NPAT: variants seen among roughly 807,000 people sequenced by gnomAD.
The protein encoded by NPAT is protein NPAT.
A neutral mutation model predicts 130.7 loss-of-function variants in NPAT; 52 were observed. That is an observed-to-expected ratio of 0.40 (90% CI 0.32 to 0.50). NPAT has a LOEUF of 0.50. Ranked by LOEUF, NPAT falls within the 20% of genes least tolerant of loss-of-function variation. The pLI is 0.68. For synonymous variants in NPAT, 580 were observed against 584.8 expected, an observed-to-expected ratio of 0.99 and a Z score of 0.12; for missense variants, 1,687 against 1,662.6, an observed-to-expected ratio of 1.01 and a Z score of -0.26.
At chr11:108,222,237 C>A (rs1363755296) in intron 1 of NPAT, among the ~76,000 whole-genome samples, 2 of 152,124 alleles carry the variant, frequency 1.3e-5, no homozygotes, top group Non-Finnish European at 2.9e-5. Context: ...ACTTTCCTTC[C>A]GAATCCGCCC....
intron 5 of NPAT, among the ~76,000 whole-genome samples, chr11:108,189,551 TAA>T (rs2078142792): frequency 6.6e-6 from 1 of 152,190 alleles, no homozygotes; most frequent in Non-Finnish European, 1.5e-5. Flanking sequence ...CTGCAGTAAT[TAA>T]TATTGATAAC....
Position 108,161,914 on chromosome 11 carries a change from G to T in NPAT, c.3172C>A (p.Pro1058Thr). 1 of 1,611,464 alleles carries T rather than the reference G, an allele frequency of 6.2e-7. No homozygotes were observed. The change falls in exon 17 of 18, where the codon CCA becomes ACA. Residue 1058 changes from proline (P) to threonine (T), a missense_variant. By Grantham distance (38) the Pro-to-Thr change is conservative. Around this residue, in one of 3 missense-constraint regions of NPAT, gnomAD observed 1,379 missense variants for 1,346.6 expected, o/e 1.02. Transcript: ENST00000278612. ...AAACAGAGTACACGTCTGTGGCATG[G>T]TTTAGCAGCTGGAACTATACTCTCT... ...PEESIVPAAK[P>T]CHRRVLCFDS...
In NPAT at chr11:108,161,316, C is replaced by A. The variant is rs754298620; in HGVS notation, c.3770G>T (p.Ser1257Ile). 6.2e-7 allele frequency: 1 copy of A among 1,614,226 alleles called. No individual in the cohort carries two copies. The highest frequency in any genetic ancestry group is 1.7e-5 in the Admixed American group (1 of 60,026). Residue 1257 changes from serine (S) to isoleucine (I), a missense_variant, in exon 17 of 18, where the codon AGT (serine) becomes ATT (isoleucine). By Grantham distance (142) the Ser-to-Ile change is moderately radical. Around this residue, in one of 3 missense-constraint regions of NPAT, gnomAD observed 1,379 missense variants for 1,346.6 expected, o/e 1.02. Coordinates refer to ENST00000278612, the MANE Select transcript of NPAT (RefSeq NM_002519.3). ...TAAATCACTACTATCAGCAAGCCTA[C>A]TTACTGAGCTGTGCCTCTGTATATC... ...LQDIQRHSSV[S>I]RLADSSDLPV...
At chr11:108,163,969 T>G (rs578144794) in intron 15 of NPAT, among the ~76,000 whole-genome samples, 2 of 152,048 alleles carry the variant, frequency 1.3e-5, no homozygotes, top group African/African-American at 4.8e-5. Flanking sequence ...ACAGGAAAAG[T>G]TGAAACATAT....
chr11:108,161,827 T>C lies in NPAT; in HGVS notation c.3259A>G (p.Asn1087Asp), dbSNP rs1254044603. ...AAAGAGACTGCATTCCTTTCTTTGTTTTGGGACACCATCTTATGGTTTGGC... is the reference window on the plus strand; with the variant it reads ...AAAGAGACTGCATTCCTTTCTTTGTCTTGGGACACCATCTTATGGTTTGGC... Reference protein sequence around the residue: ...QGPNHKMVSQNKERNAVSFPN... With the variant: ...QGPNHKMVSQDKERNAVSFPN... Residue 1087 changes from asparagine to aspartate, a missense_variant, in exon 17 of 18, where the codon AAC (asparagine) becomes GAC (aspartate). Physicochemically the swap from Asn to Asp is conservative, Grantham distance 23. This residue lies in a region of NPAT where 1,379 missense variants were observed against 1,346.6 expected (regional missense o/e 1.02). Transcript: ENST00000278612. 2 of 1,614,168 alleles carry C rather than the reference T, an allele frequency of 1.2e-6. No individual in the cohort carries two copies. The highest frequency in any genetic ancestry group is 1.7e-6 in the Non-Finnish European group (2 of 1,180,046).
At chr11:108,197,263 T>G in intron 2 of NPAT, 39 bp downstream of exon 2, 3 of 1,281,056 alleles carry the variant, frequency 2.3e-6, no homozygotes, top group Non-Finnish European at 3.4e-6. Flanking sequence ...TAGTCTCTTG[T>G]GTTGATGAAA....
intron 1 of NPAT, among the ~76,000 whole-genome samples, chr11:108,214,183 T>C (rs1370712529): frequency 6.6e-6 from 1 of 152,022 alleles, no homozygotes; most frequent in Non-Finnish European, 1.5e-5. Flanking sequence ...GGGTGAGCCA[T>C]TACAGCTGGC....
rs547496671 is a variant in NPAT, at chr11:108,173,427, A to G, written c.1557T>C (p.Ala519=). The change falls in exon 13 of 18, where the codon GCT becomes GCC. Residue 519 remains alanine (A), a synonymous_variant. Transcript: ENST00000278612. ...ITSFVSLGCE[A]NNENLILSGK... ...CAGAGAGAATTAAGTTTTCATTGTT[A>G]GCTTCACAACCAAGTGAAACAAATG... 3.1e-6 allele frequency: 5 copies of G among 1,614,182 alleles called. No homozygotes were observed. In the African/African-American group the frequency reaches 4.0e-5, roughly 13 times the overall value.
chr11:108,196,954 A>G (rs927361007), intron 2 of NPAT, among the ~76,000 whole-genome samples: 1 of 152,200 alleles, frequency 6.6e-6, no homozygotes, highest in Non-Finnish European at 1.5e-5. Context: ...AAAAGAGATG[A>G]CAATAATATA....
At position 108,174,714 on chromosome 11, in the gene NPAT, A is replaced by T. The variant is rs1462443989; in HGVS notation, c.1133-863T>A. On this transcript the variant is annotated intron_variant, in intron 12 of 17. Coordinates refer to ENST00000278612, the MANE Select transcript of NPAT (RefSeq NM_002519.3). ...ACTGCAGCCTCTGCCTCCCGGGTTC[A>T]TGTGATTCTCCTGCCTCAGCCTCTT... Among the ~76,000 whole-genome samples, 4 of 149,056 alleles carry T rather than the reference A, an allele frequency of 2.7e-5. No homozygotes were observed. In the East Asian group the frequency reaches 7.9e-4, roughly 30 times the overall value.
intron 1 of NPAT, among the ~76,000 whole-genome samples, chr11:108,204,645 CAT>C (rs2078308979): frequency 6.6e-6 from 1 of 152,254 alleles, no homozygotes; most frequent in Non-Finnish European, 1.5e-5. Context: ...AGCCGCCCCA[CAT>C]GACAGGAAGC....
In NPAT at chr11:108,169,827, G is replaced by A. The variant is rs771180468; in HGVS notation, c.2927C>T (p.Pro976Leu). ...RQVLHMPLTA[P>L]VCNRSIPQFP... ...TTGAGGGATACTTCTATTGCATACA[G>A]GTGCTGTCAAAGGCATATGAAGAAC... The change falls in exon 15 of 18, where the codon CCT becomes CTT. Residue 976 changes from proline to leucine, a missense_variant. By Grantham distance (98) the Pro-to-Leu change is moderately conservative. Transcript: ENST00000278612. The A allele has an allele frequency of 5.0e-6, 8 of 1,613,958 alleles. No individual in the cohort carries two copies. The highest frequency in any genetic ancestry group is 6.8e-6 in the Non-Finnish European group (8 of 1,179,878).
chr11:108,170,141 A>C, intron 13 of NPAT, 98 bp from the exon 14 acceptor site: 1 of 783,146 alleles, frequency 1.3e-6, no homozygotes, highest in Non-Finnish European at 2.2e-6. Flanking sequence ...CTTTGAAATA[A>C]ATTCTATGAA....
At chr11:108,170,234 A>T (rs759853372) in intron 13 of NPAT, 191 bp from the exon 14 acceptor site, 200 of 566,446 alleles carry the variant, frequency 3.5e-4, no homozygotes, top group Non-Finnish European at 5.4e-4. Context: ...TTTTAGGAAA[A>T]ACAGCAAGGC....
intron 16 of NPAT, 38 bp from the exon 17 acceptor site, chr11:108,162,052 A>G (rs1323968497): frequency 6.2e-7 from 1 of 1,611,726 alleles, no homozygotes; most frequent in East Asian, 2.2e-5. Context: ...CTAGCAGCAT[A>G]AAGAAATCCT....
chr11:108,197,205 C>T, intron 2 of NPAT, 97 bp downstream of exon 2: 1 of 910,140 alleles, frequency 1.1e-6, no homozygotes. Flanking sequence ...AAATTTCTGC[C>T]AATTTCAATT....
intron 15 of NPAT, among the ~76,000 whole-genome samples, chr11:108,167,200 C>T (rs1447553634): frequency 1.3e-5 from 2 of 152,122 alleles, no homozygotes; most frequent in Non-Finnish European, 2.9e-5. Flanking sequence ...TCCCTCTCTT[C>T]AAATCTTTAC....
Position 108,192,199 on chromosome 11 carries a change from T to C in NPAT, c.218-9A>G, listed in dbSNP as rs529632. The C allele has an allele frequency of 1.0e-3, 1,570 of 1,575,694 alleles. 25 individuals carry two copies. The African/African-American group carries it at 0.019, about 19-fold the overall frequency. On this transcript the variant is annotated splice_polypyrimidine_tract_variant and intron_variant, in intron 3 of 17. Coordinates refer to ENST00000278612, the MANE Select transcript of NPAT (RefSeq NM_002519.3). Reference sequence around the variant, plus strand: ...GACATTATTTGATGTTTCTAAATCATAGGAGAAAAGGTTCTTAATAAACCC... The same window carrying C: ...GACATTATTTGATGTTTCTAAATCACAGGAGAAAAGGTTCTTAATAAACCC...
In NPAT at chr11:108,161,805, G is replaced by C. The variant is rs918026036; in HGVS notation, c.3281C>G (p.Ser1094Cys). 6 of 1,613,942 alleles carry C rather than the reference G, an allele frequency of 3.7e-6. No homozygotes were observed. The highest frequency in any genetic ancestry group is 3.3e-5 in the South Asian group (3 of 91,078). ...VSQNKERNAV[S>C]FPNLDSPNVS... ...ATTGGGTGAGTCAAGATTAGGAAAAGAGACTGCATTCCTTTCTTTGTTTTG... is the reference window on the plus strand; with the variant it reads ...ATTGGGTGAGTCAAGATTAGGAAAACAGACTGCATTCCTTTCTTTGTTTTG... The change falls in exon 17 of 18, where the codon TCT (serine) becomes TGT (cysteine). Residue 1094 changes from serine to cysteine, a missense_variant. This residue lies in a region of NPAT where 1,379 missense variants were observed against 1,346.6 expected (regional missense o/e 1.02). Coordinates refer to ENST00000278612, the MANE Select transcript of NPAT (RefSeq NM_002519.3).
Sources: gnomAD v4.1 joint callset for allele counts (sites outside exome capture counted in the v4.1 genomes callset) on GRCh38, gnomAD v4.1.1 for gene constraint, gnomAD v4.1.1 regional missense constraint, MANE v1.5 for transcripts, NCBI Gene and HGNC (gene_info 2026-07-23, HGNC 2026-07-21) for gene names.